NRG3: variants seen among roughly 807,000 people sequenced by gnomAD.
The protein encoded by NRG3 is pro-neuregulin-3, membrane-bound isoform.
A neutral mutation model predicts 66.9 loss-of-function variants in NRG3; 31 were observed. The ratio of observed to expected loss-of-function variants is 0.46; its 90% CI spans 0.35 to 0.63. The LOEUF is 0.63. Ranked by LOEUF, NRG3 falls within the 20% of genes least tolerant of loss-of-function variation. The pLI is 0.00. For synonymous variants in NRG3, 393 were observed against 359.4 expected (o/e 1.09, Z -1.06); for missense variants, 910 against 878.9 (o/e 1.04, Z -0.45).
intron 2 of NRG3, among the ~76,000 whole-genome samples, chr10:82,421,002 A>G (rs2089024025): frequency 6.6e-6 from 1 of 152,114 alleles, no homozygotes; most frequent in African/African-American, 2.4e-5. Context: ...TGTGTTAATT[A>G]CAGGGGCAGC....
chr10:82,146,961 C>T (rs1244800722), intron 1 of NRG3, among the ~76,000 whole-genome samples: 1 of 152,148 alleles, frequency 6.6e-6, no homozygotes, highest in Non-Finnish European at 1.5e-5. Flanking sequence ...AACAGAATAA[C>T]AGCTACAGCT....
At chr10:82,762,172 G>T (rs1051583578) in intron 3 of NRG3, among the ~76,000 whole-genome samples, 3 of 151,626 alleles carry the variant, frequency 2.0e-5, no homozygotes, top group Admixed American at 6.6e-5. Context: ...ATTGTTTGCA[G>T]ATATGGGTTT....
intron 1 of NRG3, among the ~76,000 whole-genome samples, chr10:82,254,837 T>A (rs943214012): frequency 5.3e-5 from 8 of 150,910 alleles, no homozygotes; most frequent in Admixed American, 5.3e-4. Flanking sequence ...GATGAGACCA[T>A]GCAGATATAA....
intron 3 of NRG3, among the ~76,000 whole-genome samples, chr10:82,820,955 G>C (rs1591626490): frequency 6.6e-6 from 1 of 152,070 alleles, no homozygotes; most frequent in Non-Finnish European, 1.5e-5. Context: ...GCAACTACAC[G>C]ATCAAAAACA....
intron 4 of NRG3, among the ~76,000 whole-genome samples, chr10:82,944,378 G>T (rs116613777): frequency 0.014 from 2,187 of 152,164 alleles, 50 homozygotes; most frequent in African/African-American, 0.05. Flanking sequence ...GCAGAAGCAG[G>T]GTAGACAGAT....
intron 2 of NRG3, among the ~76,000 whole-genome samples, chr10:82,670,016 C>G (rs1303353101): frequency 6.6e-6 from 1 of 151,910 alleles, no homozygotes; most frequent in Non-Finnish European, 1.5e-5. Context: ...AGAGAGAGTA[C>G]TTTACTGAGA....
intron 1 of NRG3, among the ~76,000 whole-genome samples, chr10:81,911,603 G>GGTTTTTT (rs1306854861): frequency 3.8e-5 from 3 of 77,964 alleles, no homozygotes; most frequent in African/African-American, 9.1e-5. Flanking sequence ...GCACAGACTT[G>GGTTTTTT]TTTTTTTTTT....
At chr10:82,137,947 G>A (rs1172355642) in intron 1 of NRG3, among the ~76,000 whole-genome samples, 2 of 152,200 alleles carry the variant, frequency 1.3e-5, no homozygotes, top group South Asian at 2.1e-4. Context: ...GGGTAAGTCC[G>A]AAGTTTGACA....
At position 82,437,666 on chromosome 10, in the gene NRG3, G is replaced by A. The variant is rs189088255; in HGVS notation, c.953+78798G>A. On this transcript the variant is annotated intron_variant, in intron 2 of 8. Coordinates refer to ENST00000372141, the MANE Select transcript of NRG3 (RefSeq NM_001010848.4). ...TATACATTGATTCTTTCTCATCTTCGTGAATTTGTCTACTTTTGGTCTTTG... is the reference window on the plus strand; with the variant it reads ...TATACATTGATTCTTTCTCATCTTCATGAATTTGTCTACTTTTGGTCTTTG... 6.4e-4 allele frequency among the ~76,000 whole-genome samples: 98 copies of A among 152,166 alleles called. 1 individual carries two copies. The Middle Eastern group carries it at 0.017, about 26-fold the overall frequency.
chr10:82,299,230 A>G (rs1384521303), intron 1 of NRG3, among the ~76,000 whole-genome samples: 1 of 152,230 alleles, frequency 6.6e-6, no homozygotes, highest in East Asian at 1.9e-4. Flanking sequence ...CCCTGAGGTC[A>G]GAATGGTTGA....
At position 82,567,265 on chromosome 10, in the gene NRG3, G is replaced by A. The variant is rs17100221; in HGVS notation, c.954-171312G>A. Among the ~76,000 whole-genome samples, 403 of 149,664 alleles carry A rather than the reference G, an allele frequency of 2.7e-3. 1 individual carries two copies. The highest frequency in any genetic ancestry group is 9.1e-3 in the African/African-American group (369 of 40,654). On this transcript the variant is annotated intron_variant, in intron 2 of 8. Transcript: ENST00000372141. Reference sequence around the variant, plus strand: ...GATATAGGAAACACCTAACACTCTCGGCCACTAAGGATATTTCTCATGACT... The same window carrying A: ...GATATAGGAAACACCTAACACTCTCAGCCACTAAGGATATTTCTCATGACT...
intron 4 of NRG3, among the ~76,000 whole-genome samples, chr10:82,925,578 A>C (rs1846901497): frequency 1.3e-5 from 2 of 152,218 alleles, no homozygotes; most frequent in Non-Finnish European, 2.9e-5. Context: ...AGCATGCTTT[A>C]ATGCTACTCC....
At chr10:82,675,137 T>G (rs562640806) in intron 2 of NRG3, among the ~76,000 whole-genome samples, 2 of 152,072 alleles carry the variant, frequency 1.3e-5, no homozygotes, top group Admixed American at 1.3e-4. Context: ...TTTGTATGTT[T>G]GTAGAGATGG....
chr10:82,342,710 G>A (rs1445844753), intron 1 of NRG3, among the ~76,000 whole-genome samples: 4 of 151,964 alleles, frequency 2.6e-5, no homozygotes, highest in Non-Finnish European at 4.4e-5. Context: ...TTCCCATTCT[G>A]TAGGCTGTCT....
intron 4 of NRG3, among the ~76,000 whole-genome samples, chr10:82,916,171 C>T (rs1845812323): frequency 6.6e-6 from 1 of 152,154 alleles, no homozygotes; most frequent in Admixed American, 6.5e-5. Context: ...TGGGGCAATG[C>T]CTGAGCACAC....
At chr10:82,224,927 A>G (rs2133816837) in intron 1 of NRG3, among the ~76,000 whole-genome samples, 1 of 152,202 alleles carries the variant, frequency 6.6e-6, no homozygotes, top group African/African-American at 2.4e-5. Flanking sequence ...GAATAATATG[A>G]ACATAGCTCA....
chr10:82,091,897 A>G (rs894083434), intron 1 of NRG3, among the ~76,000 whole-genome samples: 5 of 152,170 alleles, frequency 3.3e-5, no homozygotes, highest in Admixed American at 1.3e-4. Context: ...CCAGTAGTCA[A>G]TTATGTTGAG....
intron 1 of NRG3, among the ~76,000 whole-genome samples, chr10:82,227,103 C>G (rs904990029): frequency 1.3e-5 from 2 of 152,098 alleles, no homozygotes; most frequent in African/African-American, 4.8e-5. Flanking sequence ...CTCTCATGGT[C>G]CAGACATGAG....
chr10:82,221,620 A>G (rs2075949766), intron 1 of NRG3, among the ~76,000 whole-genome samples: 1 of 152,230 alleles, frequency 6.6e-6, no homozygotes, highest in Non-Finnish European at 1.5e-5. Context: ...ACAAAGAGAA[A>G]AAGTTAAGCA....
Sources: allele counts gnomAD v4.1 joint callset (sites outside exome capture counted in the v4.1 genomes callset), GRCh38; gene constraint gnomAD v4.1.1; transcripts MANE v1.5; gene names NCBI Gene and HGNC (gene_info 2026-07-23, HGNC 2026-07-21).